RBFOX3: variants seen among roughly 807,000 people sequenced by gnomAD.
RBFOX3 encodes RNA binding protein fox-1 homolog 3.
Under a neutral mutation model 48.7 loss-of-function variants are expected in RBFOX3, and 17 were observed. The observed-to-expected ratio is 0.35, with a 90% CI of 0.24 to 0.52. RBFOX3 has a LOEUF of 0.52. Among genes scored for constraint, RBFOX3 ranks in the 20% least tolerant of loss-of-function variants. The pLI is 0.94. For missense variants in RBFOX3, 382 were observed against 497.5 expected (o/e 0.77, Z 2.21); for synonymous variants, 212 against 209.5 (o/e 1.01, Z -0.10).
rs548794127 is a variant in RBFOX3, at chr17:79,424,300, G to A, written c.-175+58154C>T. Reference sequence around the variant, plus strand: ...TCCCGCCCGTCCCAGGAGCACAGGGGTGAGCGTCTCTCCCTCGGCACTGAC... The same window carrying A: ...TCCCGCCCGTCCCAGGAGCACAGGGATGAGCGTCTCTCCCTCGGCACTGAC... On this transcript the variant is annotated intron_variant, in intron 2 of 14. Coordinates refer to ENST00000693108, the MANE Select transcript of RBFOX3 (RefSeq NM_001350451.2). Among the ~76,000 whole-genome samples the A allele has an allele frequency of 3.3e-5, 5 of 152,314 alleles. No homozygotes were observed. The East Asian group carries it at 9.7e-4, about 29-fold the overall frequency.
chr17:79,488,646 A>G (rs1455093778), intron 1 of RBFOX3, among the ~76,000 whole-genome samples: 1 of 152,212 alleles, frequency 6.6e-6, no homozygotes. Context: ...ATCAACTCAC[A>G]GGAAGTGTCT....
chr17:79,141,017 T>G (rs1027212177), intron 4 of RBFOX3, among the ~76,000 whole-genome samples: 4 of 152,296 alleles, frequency 2.6e-5, no homozygotes, highest in African/African-American at 9.6e-5. Context: ...TGGGATTTCC[T>G]GAGCACTCTC....
intron 1 of RBFOX3, among the ~76,000 whole-genome samples, chr17:79,494,375 G>A (rs1380927025): frequency 6.6e-6 from 1 of 152,198 alleles, no homozygotes; most frequent in Non-Finnish European, 1.5e-5. Flanking sequence ...GAGGCCCTGG[G>A]CAAGTAGCAT....
At chr17:79,555,083 C>T (rs1392715633) in intron 1 of RBFOX3, among the ~76,000 whole-genome samples, 1 of 152,240 alleles carries the variant, frequency 6.6e-6, no homozygotes, top group African/African-American at 2.4e-5. Context: ...GATCTGCCAC[C>T]ACTAGCTGTG....
chr17:79,347,746 C>T (rs1379962059), intron 2 of RBFOX3, among the ~76,000 whole-genome samples: 1 of 152,146 alleles, frequency 6.6e-6, no homozygotes, highest in Non-Finnish European at 1.5e-5. Context: ...GCTAATATGT[C>T]CCTTATCTCA....
In RBFOX3 at chr17:79,104,936, G is replaced by A. The variant is rs773779178; in HGVS notation, c.361-810C>T. Among the ~76,000 whole-genome samples, 64 of 3,428 alleles carry A rather than the reference G, an allele frequency of 0.019. No homozygotes were observed. In the Middle Eastern group the frequency reaches 0.5, roughly 27 times the overall value. The allele number at this position is 3,428 out of a possible 152,430, so 2.2% of individuals were successfully genotyped here. ...GCGGTGCTGAGCAACTGTTCAGGTC[G>A]TTTGGGCCAGCTGGGCCATGACGCT... On this transcript the variant is annotated intron_variant, in intron 6 of 14. Transcript: ENST00000693108.
In RBFOX3 at chr17:79,511,581, C is replaced by T. The variant is rs923908092; in HGVS notation, c.-319-28983G>A. Among the ~76,000 whole-genome samples the T allele has an allele frequency of 9.0e-3, 1,369 of 152,242 alleles. 13 individuals are homozygous for T. The highest frequency in any genetic ancestry group is 0.031 in the African/African-American group (1,285 of 41,502). On this transcript the variant is annotated intron_variant, in intron 1 of 14. Transcript: ENST00000693108. ...TAGAGGAGGTAACCCTGCAGTGAACCGTGATGTCAGGTGAGAATTTATCTG... is the reference window on the plus strand; with the variant it reads ...TAGAGGAGGTAACCCTGCAGTGAACTGTGATGTCAGGTGAGAATTTATCTG...
intron 4 of RBFOX3, among the ~76,000 whole-genome samples, chr17:79,207,688 G>A (rs909361826): frequency 2.0e-5 from 3 of 152,150 alleles, no homozygotes; most frequent in Non-Finnish European, 4.4e-5. Context: ...TTTTCTAGGG[G>A]GGTGTCTGCA....
At chr17:79,529,315 C>A (rs945377182) in intron 1 of RBFOX3, among the ~76,000 whole-genome samples, 6 of 152,190 alleles carry the variant, frequency 3.9e-5, no homozygotes, top group African/African-American at 1.4e-4. Flanking sequence ...ATCACCCCAC[C>A]GCATCACCTG....
chr17:79,433,760 G>T (rs1336701642), intron 2 of RBFOX3, among the ~76,000 whole-genome samples: 1 of 152,160 alleles, frequency 6.6e-6, no homozygotes, highest in Non-Finnish European at 1.5e-5. Context: ...ATTTGCCATG[G>T]TTATGTTCTA....
intron 4 of RBFOX3, among the ~76,000 whole-genome samples, chr17:79,209,085 C>T (rs1021050401): frequency 8.5e-5 from 13 of 152,282 alleles, no homozygotes; most frequent in African/African-American, 2.9e-4. Flanking sequence ...TCCCAAAGTG[C>T]TGGGATTACA....
At chr17:79,160,993 A>AC (rs1415429832) in intron 4 of RBFOX3, among the ~76,000 whole-genome samples, 2 of 152,056 alleles carry the variant, frequency 1.3e-5, no homozygotes, top group Non-Finnish European at 2.9e-5. Flanking sequence ...AAAAAAAAAA[A>AC]AAAACAAAAA....
chr17:79,404,215 G>T (rs936225077), intron 2 of RBFOX3, among the ~76,000 whole-genome samples: 4 of 152,240 alleles, frequency 2.6e-5, no homozygotes, highest in Non-Finnish European at 1.5e-5. Context: ...GCGGGAAGCC[G>T]CAGGACTGAG....
chr17:79,147,279 G>A (rs1476920282), intron 4 of RBFOX3, among the ~76,000 whole-genome samples: 1 of 152,260 alleles, frequency 6.6e-6, no homozygotes, highest in Non-Finnish European at 1.5e-5. Context: ...GCCCACCTCT[G>A]CAGGTGGCCG....
intron 4 of RBFOX3, among the ~76,000 whole-genome samples, chr17:79,117,501 C>T (rs2147065507): frequency 6.6e-6 from 1 of 152,348 alleles, no homozygotes; most frequent in South Asian, 2.1e-4. Context: ...CTGGGGGCTG[C>T]CCCCGCAGGG....
intron 2 of RBFOX3, among the ~76,000 whole-genome samples, chr17:79,319,099 C>T (rs1305372723): frequency 6.6e-6 from 1 of 151,798 alleles, no homozygotes; most frequent in Non-Finnish European, 1.5e-5. Flanking sequence ...GAAGCCAGCA[C>T]CGGATGTGGC....
At chr17:79,641,100 T>G in the RBFOX3 span, among the ~76,000 whole-genome samples, 1 of 152,106 alleles carries the variant, frequency 6.6e-6, no homozygotes, top group African/African-American at 2.4e-5. Flanking sequence ...CTCAAACAAC[T>G]TAATAGCAAA....
intron 1 of RBFOX3, among the ~76,000 whole-genome samples, chr17:79,517,438 C>G (rs1369636467): frequency 8.9e-6 from 1 of 112,414 alleles, no homozygotes; most frequent in Non-Finnish European, 1.7e-5. Context: ...CAGTGAGAGT[C>G]TGTCTCAAAA....
At chr17:79,607,929 G>A (rs923350675) in intron 1 of RBFOX3, among the ~76,000 whole-genome samples, 1 of 152,200 alleles carries the variant, frequency 6.6e-6, no homozygotes, top group Admixed American at 6.5e-5. Context: ...CAGGACAGAA[G>A]GCCCACTCTG....
Sources: allele counts gnomAD v4.1 joint callset (sites outside exome capture counted in the v4.1 genomes callset), GRCh38; gene constraint gnomAD v4.1.1; transcripts MANE v1.5; gene names NCBI Gene and HGNC (gene_info 2026-07-23, HGNC 2026-07-21).